Variants in CIITA observed in about 807,000 individuals in gnomAD.
CIITA encodes the protein MHC class II transactivator.
Under a neutral mutation model 115.1 loss-of-function variants are expected in CIITA, and 72 were observed. That is an observed-to-expected ratio of 0.63 (90% CI 0.52 to 0.76). The LOEUF (loss-of-function observed/expected upper bound fraction) is 0.76. CIITA is among the 30% of genes least tolerant of loss of function. CIITA has a pLI of 0.00. For missense variants in CIITA, 1,617 were observed against 1,463.8 expected (o/e 1.10, Z -1.71); for synonymous variants, 763 against 635.6 (o/e 1.20, Z -3.02).
At chr16:10,898,007 A>G (rs2038309681) in intron 3 of CIITA, among the ~76,000 whole-genome samples, 1 of 152,160 alleles carries the variant, frequency 6.6e-6, no homozygotes, top group Admixed American at 6.5e-5. Context: ...ACTGTGACCC[A>G]GAAAGCTATC....
At chr16:10,938,415 T>C (rs913724870), downstream of CIITA, 2 of 151,628 alleles carry the variant, frequency 1.3e-5, no homozygotes, top group East Asian at 3.9e-4. This position sits in a 1 kb window ranked among gnomAD's most constrained non-coding sequence, Gnocchi z 4.9. Context: ...CCTGTTCATC[T>C]TGAGATTCAT....
chr16:10,871,554 G>C (rs1032971496), intron 1 of CIITA, among the ~76,000 whole-genome samples: 1 of 152,132 alleles, frequency 6.6e-6, no homozygotes, highest in Non-Finnish European at 1.5e-5. Context: ...CTGGGAAGTC[G>C]CCTGATTTAT....
rs1484596206 is a variant in CIITA, at chr16:10,942,584, C to A, written n.1710C>A. On this transcript the variant is annotated non_coding_transcript_exon_variant, in exon 2 of 2. Transcript: ENST00000573379. The surrounding 1 kb of genome is among the most constrained non-coding windows in gnomAD (Gnocchi z 5.0). The stretch of plus-strand genomic sequence containing the variant: ...TCCGGCCGCCAGGGGGCGGGTACCG[C>A]TTCGCTCCGCCCCTCGGGGCCCTAG... 1 of 152,338 alleles carries A rather than the reference C, an allele frequency of 6.6e-6. No individual in the cohort carries two copies. Among genetic ancestry groups the A allele is most frequent in the African/African-American group, 2.4e-5 (1 of 41,472 alleles). The allele number at this position is 152,338 out of a possible 1,614,324, so 9.4% of individuals were successfully genotyped here.
Position 10,907,569 on chromosome 16 carries a change from G to T in CIITA, c.2077G>T (p.Gly693Cys), listed in dbSNP as rs761411956. 3 of 1,614,186 alleles carry T rather than the reference G, an allele frequency of 1.9e-6. No individual in the cohort carries two copies. Among genetic ancestry groups the T allele is most frequent in the Admixed American group, 1.7e-5 (1 of 60,026 alleles). Residue 693 changes from glycine to cysteine, a missense_variant, in exon 11 of 20, where the codon GGC becomes TGC. Transcript: ENST00000324288. The surrounding 1 kb of genome is among the most constrained non-coding windows in gnomAD (Gnocchi z 5.0). ...CGTGAGGACCTGGGCGATGGCCAAA[G>T]GCTTAGTCCAACACCCACCGCGGGC... ...ADVRTWAMAK[G>C]LVQHPPRAAE...
At position 10,922,278 on chromosome 16, in the gene CIITA, G is replaced by A. The variant is rs777639730; in HGVS notation, c.3233+28G>A. On this transcript the variant is annotated intron_variant, in intron 17 of 19. Coordinates refer to ENST00000324288, the MANE Select transcript of CIITA (RefSeq NM_000246.4). ...GAGTGTGGGAGTCTGGGCGGTGGGT[G>A]GCTCAGCCCGGGGTGGGAGACACTG... 3.4e-5 allele frequency: 54 copies of A among 1,609,566 alleles called. No homozygotes were observed. The Middle Eastern group carries it at 4.9e-4, about 15-fold the overall frequency.
chr16:10,906,379 A>C (rs2039151675), intron 10 of CIITA, 120 bp from the exon 11 acceptor site: 30 of 1,255,956 alleles, frequency 2.4e-5, no homozygotes, highest in Non-Finnish European at 3.4e-5. Context: ...CAAAACAAAC[A>C]AACAAAAAAA....
At chr16:10,889,082 C>T (rs115543566) in intron 1 of CIITA, among the ~76,000 whole-genome samples, 113 of 152,264 alleles carry the variant, frequency 7.4e-4, no homozygotes, top group Middle Eastern at 3.4e-3. Context: ...GGCTGCCATG[C>T]GCAGAAACAT....
rs1213107348 is a variant in CIITA, at chr16:10,922,581, C to G, written c.3317+91C>G. ...CCCGGAGCTCAAATCATGCTCTTCC[C>G]TTCACCAATCTGCAACCCTGGGTGA... On this transcript the variant is annotated intron_variant, in intron 18 of 19. Coordinates refer to ENST00000324288, the MANE Select transcript of CIITA (RefSeq NM_000246.4). 2.3e-6 allele frequency: 3 copies of G among 1,293,512 alleles called. No homozygotes were observed. In the East Asian group the frequency reaches 7.2e-5, roughly 31 times the overall value. The allele number at this position is 1,293,512 out of a possible 1,614,324, so 80.1% of individuals were successfully genotyped here.
At chr16:10,912,894 C>A (rs562945752) in intron 13 of CIITA, among the ~76,000 whole-genome samples, 13 of 152,354 alleles carry the variant, frequency 8.5e-5, no homozygotes, top group Admixed American at 8.5e-4. Context: ...CTATTTCTGG[C>A]ATTTTCTCAG....
chr16:10,904,441 G>A (rs145449620), intron 9 of CIITA, among the ~76,000 whole-genome samples: 104 of 152,142 alleles, frequency 6.8e-4, no homozygotes, highest in African/African-American at 2.4e-3. Flanking sequence ...GGCTGGTCTC[G>A]AACTCCTGAT....
chr16:10,872,263 C>T (rs1596393647), upstream of CIITA, among the ~76,000 whole-genome samples: 1 of 152,180 alleles, frequency 6.6e-6, no homozygotes, highest in South Asian at 2.1e-4. Flanking sequence ...GCTAGGATTA[C>T]AGGCGCCTGC....
At chr16:10,918,198 AG>A (rs2040063678) in intron 15 of CIITA, among the ~76,000 whole-genome samples, 1 of 152,226 alleles carries the variant, frequency 6.6e-6, no homozygotes, top group Non-Finnish European at 1.5e-5. Context: ...GAGGGAAAAG[AG>A]GGGATGTTGT....
rs939175853 is a variant in CIITA, at chr16:10,930,984, T to C, written c.*7129T>C. The C allele has an allele frequency of 9.8e-5, 15 of 152,312 alleles. No individual in the cohort carries two copies. The highest frequency in any genetic ancestry group is 3.4e-4 in the African/African-American group (14 of 41,464). 9.4% of individuals were successfully genotyped at this position (152,312 alleles called of 1,614,324 possible). A position where few individuals can be genotyped will look rare whatever the true frequency, so the allele number is the denominator to read the frequency against. On this transcript the variant is annotated 3_prime_UTR_variant, in exon 20 of 20. Coordinates refer to ENST00000324288, the MANE Select transcript of CIITA (RefSeq NM_000246.4). ...TCACTGCAGAGATCTCCAAGGCCTG[T>C]GGTCATCCTTGAGCCCATCTCAGAT...
rs1210213322 is a variant in CIITA at position 10,928,972 on chromosome 16, G to A, written c.*5117G>A. The A allele has an allele frequency of 1.3e-5, 2 of 153,636 alleles. No homozygotes were observed. The highest frequency in any genetic ancestry group is 2.4e-5 in the African/African-American group (1 of 41,432). The allele number at this position is 153,636 out of a possible 1,614,324, so 9.5% of individuals were successfully genotyped here. A position where few individuals can be genotyped will look rare whatever the true frequency, so the allele number is the denominator to read the frequency against. ...TAGACAGGTTTATCAGAATTAAGTA[G>A]GCACAACACTCATACTTTCAGAAAA... On this transcript the variant is annotated 3_prime_UTR_variant, in exon 20 of 20. Coordinates refer to ENST00000324288, the MANE Select transcript of CIITA (RefSeq NM_000246.4).
At chr16:10,884,335 G>C (rs987909226) in intron 1 of CIITA, among the ~76,000 whole-genome samples, 1 of 152,196 alleles carries the variant, frequency 6.6e-6, no homozygotes, top group Admixed American at 6.5e-5. Flanking sequence ...TGGCAAAAAG[G>C]AGCAGCAGGC....
intron 17 of CIITA, 30 bp downstream of exon 17, chr16:10,922,280 C>G (rs751633691): frequency 5.0e-6 from 8 of 1,611,232 alleles, no homozygotes; most frequent in Non-Finnish European, 4.2e-6. Flanking sequence ...CGGTGGGTGG[C>G]TCAGCCCGGG....
chr16:10,916,293 G>A lies in CIITA; in HGVS notation c.2970-74G>A, dbSNP rs6498130. ...AAGGGCAGGTGCCAGGGCTGAGGAG[G>A]CCCTCACTGGGATGGGAAGGGTCAG... On this transcript the variant is annotated intron_variant, in intron 14 of 19. Transcript: ENST00000324288. 893 of 1,392,272 alleles carry A rather than the reference G, an allele frequency of 6.4e-4. 1 individual carries two copies. The highest frequency in any genetic ancestry group is 8.0e-4 in the Non-Finnish European group (787 of 989,360). 86.2% of individuals were successfully genotyped at this position (1,392,272 alleles called of 1,614,324 possible). A position where few individuals can be genotyped will look rare whatever the true frequency, so the allele number is the denominator to read the frequency against.
upstream of CIITA, among the ~76,000 whole-genome samples, chr16:10,875,887 G>A (rs917082228): frequency 7.2e-5 from 11 of 152,098 alleles, no homozygotes; most frequent in African/African-American, 2.2e-4. Context: ...GGAGAATGGC[G>A]TGAACCCAGG....
At chr16:10,875,991 A>T (rs1293765041), upstream of CIITA, among the ~76,000 whole-genome samples, 2 of 152,226 alleles carry the variant, frequency 1.3e-5, no homozygotes, top group African/African-American at 2.4e-5. Context: ...AAAAGAAAAG[A>T]AAAGAAAAAT....
Sources: allele counts gnomAD v4.1 joint callset (sites outside exome capture counted in the v4.1 genomes callset), GRCh38; gene constraint gnomAD v4.1.1; non-coding constraint Gnocchi (gnomAD v3.1); transcripts MANE v1.5; gene names NCBI Gene and HGNC (gene_info 2026-07-23, HGNC 2026-07-21).